NCF1: variants seen among roughly 807,000 people sequenced by gnomAD.
NCF1 encodes neutrophil cytosolic factor 1.
A neutral mutation model predicts 34.9 loss-of-function variants in NCF1; 8 were observed. The observed-to-expected ratio is 0.23, with a 90% CI of 0.13 to 0.41. NCF1 has a LOEUF of 0.41. Ranked by LOEUF, NCF1 falls within the 10% of genes least tolerant of loss-of-function variation. NCF1 has a pLI of 1.00. For missense variants in NCF1, 122 were observed against 362.4 expected (o/e 0.34, Z 5.39); for synonymous variants, 57 against 146.3 (o/e 0.39, Z 4.41).
At chr7:74,781,577 G>T (rs1796568519) in intron 5 of NCF1, 1 of 153,696 alleles carries the variant, frequency 6.5e-6, no homozygotes, top group Non-Finnish European at 1.4e-5. Context: ...CTGTTGCCCA[G>T]GCTAGAGTGA....
In NCF1 at chr7:74,779,233, T is replaced by C. The variant is rs782553526; in HGVS notation, c.230-24T>C. The C allele has an allele frequency of 2.5e-6, 4 of 1,611,432 alleles. No homozygotes were observed. The East Asian group carries it at 8.9e-5, about 36-fold the overall frequency. On this transcript the variant is annotated intron_variant, in intron 3 of 10. Transcript: ENST00000289473. ...CTGCCCTCCCAGCCCCTCTCGGGCT[T>C]GACCTCATGTTCTCTGGTGCCAGCT...
intron 8 of NCF1, among the ~76,000 whole-genome samples, chr7:74,787,695 G>A (rs1554414749): frequency 6.9e-6 from 1 of 145,246 alleles, no homozygotes; most frequent in African/African-American, 2.6e-5. Flanking sequence ...TGGGATTACA[G>A]GCGTGAGCGA....
At chr7:74,782,635 C>T (rs1275625031) in intron 5 of NCF1, among the ~76,000 whole-genome samples, 5 of 151,934 alleles carry the variant, frequency 3.3e-5, no homozygotes, top group Non-Finnish European at 5.9e-5. Context: ...ATTCGGGAGG[C>T]TGAGGCAGGG....
At chr7:74,777,572 G>A (rs1286982649) in intron 2 of NCF1, 6 of 488,400 alleles carry the variant, frequency 1.2e-5, no homozygotes, top group Admixed American at 9.8e-5. Flanking sequence ...CCCCACGCTC[G>A]GCCTTTTAGG....
chr7:74,787,149 C>T (rs1420871822), intron 8 of NCF1, among the ~76,000 whole-genome samples: 12 of 151,366 alleles, frequency 7.9e-5, no homozygotes, highest in African/African-American at 2.9e-4. Flanking sequence ...AAACTAAAAA[C>T]CATTTGGGGC....
At chr7:74,786,234 CAAAAAAAAA>C (rs60312903) in intron 8 of NCF1, among the ~76,000 whole-genome samples, 13 of 36,910 alleles carry the variant, frequency 3.5e-4, no homozygotes, top group Admixed American at 3.9e-4. Context: ...GACCCTGTCT[CAAAAAAAAA>C]AAAAAAAAAA....
chr7:74,781,589 G>C (rs1796568748), intron 5 of NCF1: 1 of 153,902 alleles, frequency 6.5e-6, no homozygotes, highest in Admixed American at 6.4e-5. Context: ...CTAGAGTGAA[G>C]TGGTGTGATC....
At chr7:74,777,462 A>G in intron 2 of NCF1, 115 bp downstream of exon 2, 1 of 844,306 alleles carries the variant, frequency 1.2e-6, no homozygotes, top group Non-Finnish European at 1.9e-6. Flanking sequence ...CTCCCAGACC[A>G]CAGTTAAAGG....
At chr7:74,775,793 G>C (rs1322760391) in intron 1 of NCF1, among the ~76,000 whole-genome samples, 1 of 137,604 alleles carries the variant, frequency 7.3e-6, no homozygotes, top group African/African-American at 2.7e-5. Flanking sequence ...GAGTGCAGTG[G>C]TGCAATCTCG....
intron 6 of NCF1, 82 bp from the exon 7 acceptor site, chr7:74,783,443 C>G (rs1219020661): frequency 2.0e-6 from 3 of 1,480,170 alleles, no homozygotes; most frequent in Non-Finnish European, 2.8e-6. Flanking sequence ...GTGTCTGTGT[C>G]CCTGTGTCCT....
At chr7:74,782,571 T>C (rs1796591346) in intron 5 of NCF1, among the ~76,000 whole-genome samples, 1 of 146,436 alleles carries the variant, frequency 6.8e-6, no homozygotes, top group Non-Finnish European at 1.5e-5. Context: ...TCCCAAGACC[T>C]TGTCTTTACA....
At chr7:74,782,600 G>A (rs1474581968) in intron 5 of NCF1, among the ~76,000 whole-genome samples, 5 of 151,544 alleles carry the variant, frequency 3.3e-5, no homozygotes, top group African/African-American at 2.4e-5. Flanking sequence ...GCCGGGTGTG[G>A]TGGCATACGT....
chr7:74,788,534 A>T, intron 9 of NCF1, 25 bp from the exon 10 acceptor site: 1 of 1,536,970 alleles, frequency 6.5e-7, no homozygotes, highest in Non-Finnish European at 8.7e-7. Context: ...TCGGGCTTTG[A>T]CGACGCCCCG....
rs1245241315 is a variant in NCF1, at chr7:74,788,693, G to A, written c.1040G>A (p.Gly347Glu). 4 of 1,551,170 alleles carry A rather than the reference G, an allele frequency of 2.6e-6. No individual in the cohort carries two copies. In the East Asian group the frequency reaches 9.5e-5, roughly 37 times the overall value. Residue 347 changes from glycine to glutamate, a missense_variant, in exon 10 of 11, where the codon GGG (glycine) becomes GAG (glutamate). Physicochemically the swap from Gly to Glu is moderately conservative, Grantham distance 98 (BLOSUM62 -2). Around this residue, in one of 9 missense-constraint regions of NCF1, gnomAD observed 15 missense variants for 58.8 expected, o/e 0.25. Transcript: ENST00000289473. The stretch of plus-strand genomic sequence containing the variant: ...GCGCGGCCGGGACCGCAGAGCCCCG[G>A]GAGCCCGCTCGGTGAGTGCAGCGGG... ...RQARPGPQSP[G>E]SPLEEERQTQ...
At chr7:74,778,668 C>T (rs1253672329) in intron 2 of NCF1, among the ~76,000 whole-genome samples, 2 of 144,784 alleles carry the variant, frequency 1.4e-5, no homozygotes, top group African/African-American at 2.5e-5. Context: ...CAGATTGCCA[C>T]CGAAATTTCT....
At chr7:74,782,898 C>T in intron 5 of NCF1, 41 bp from the exon 6 acceptor site, 2 of 1,573,776 alleles carry the variant, frequency 1.3e-6, no homozygotes, top group East Asian at 4.5e-5. Flanking sequence ...CCCAGATGGG[C>T]CCTGCAATGC....
At position 74,783,586 on chromosome 7, in the gene NCF1, C is replaced by T. The variant is rs1796618432; in HGVS notation, c.636C>T (p.Pro212=). ...GGATCCCAGCGTCCTTCCTCGAGCC[C>T]CTGGACAGTCCTGACGAGACGGAAG... ...RGWIPASFLE[P]LDSPDETEDP... The change falls in exon 7 of 11, where the codon CCC becomes CCT. Residue 212 remains proline (P), a synonymous_variant. Coordinates refer to ENST00000289473, the MANE Select transcript of NCF1 (RefSeq NM_000265.7). The T allele has an allele frequency of 2.5e-6, 4 of 1,611,782 alleles. No individual in the cohort carries two copies. Among genetic ancestry groups the T allele is most frequent in the East Asian group, 2.2e-5 (1 of 44,864 alleles).
At chr7:74,775,655 C>T (rs1417347648) in intron 1 of NCF1, among the ~76,000 whole-genome samples, 1 of 54,706 alleles carries the variant, frequency 1.8e-5, no homozygotes, top group Admixed American at 2.1e-4. Flanking sequence ...GCAGTGAAAA[C>T]TTTTTTCAGG....
In NCF1 at chr7:74,783,081, G is replaced by A. The variant is rs587602527; in HGVS notation, c.574+20G>A. The stretch of plus-strand genomic sequence containing the variant: ...AGAGCGGTCAGACCTCCCACCTTAC[G>A]GGGCTCCTTCCCCTGGTGCTCAGGA... On this transcript the variant is annotated intron_variant, in intron 6 of 10. Coordinates refer to ENST00000289473, the MANE Select transcript of NCF1 (RefSeq NM_000265.7). 1.4e-5 allele frequency: 22 copies of A among 1,608,804 alleles called. No individual in the cohort carries two copies. The highest frequency in any genetic ancestry group is 2.2e-4 in the Middle Eastern group (1 of 4,448).
Sources: gnomAD v4.1 joint callset for allele counts (sites outside exome capture counted in the v4.1 genomes callset) on GRCh38, gnomAD v4.1.1 for gene constraint, gnomAD v4.1.1 regional missense constraint, MANE v1.5 for transcripts, NCBI Gene and HGNC (gene_info 2026-07-23, HGNC 2026-07-21) for gene names.